CDK5RAP2: variants seen among roughly 807,000 people sequenced by gnomAD.
CDK5RAP2 encodes CDK5 regulatory subunit-associated protein 2.
Under a neutral mutation model 232.9 loss-of-function variants are expected in CDK5RAP2, and 147 were observed. That is an observed-to-expected ratio of 0.63 (90% CI 0.55 to 0.72). CDK5RAP2 has a LOEUF of 0.72. CDK5RAP2 is among the 30% of genes least tolerant of loss of function. The pLI is 0.00. For missense variants in CDK5RAP2, 2,195 were observed against 2,231.5 expected, an observed-to-expected ratio of 0.98 and a Z score of 0.33; for synonymous variants, 833 against 833.7, an observed-to-expected ratio of 1.00 and a Z score of 0.01.
At chr9:120,534,179 TC>T (rs749386436) in intron 7 of CDK5RAP2, among the ~76,000 whole-genome samples, 3 of 152,192 alleles carry the variant, frequency 2.0e-5, no homozygotes, top group South Asian at 2.1e-4. Flanking sequence ...CCATGTCACC[TC>T]CCCAGCTTCC....
At chr9:120,518,111 C>T (rs752144773) in intron 12 of CDK5RAP2, among the ~76,000 whole-genome samples, 1 of 146,302 alleles carries the variant, frequency 6.8e-6, no homozygotes, top group Non-Finnish European at 1.5e-5. Flanking sequence ...AGAGAGAGAA[C>T]ATTAAACTTA....
chr9:120,507,589 C>T (rs2039871984), intron 12 of CDK5RAP2, among the ~76,000 whole-genome samples: 2 of 151,918 alleles, frequency 1.3e-5, no homozygotes, highest in Admixed American at 1.3e-4. Context: ...TTAGGGAAGA[C>T]CACAGAAAAT....
chr9:120,509,235 T>C (rs2039968078), intron 12 of CDK5RAP2, among the ~76,000 whole-genome samples: 1 of 152,208 alleles, frequency 6.6e-6, no homozygotes, highest in African/African-American at 2.4e-5. Context: ...CTTTGGTGAC[T>C]TGGCTGGTAA....
At chr9:120,429,193 T>C (rs1244362252) in intron 25 of CDK5RAP2, among the ~76,000 whole-genome samples, 2 of 150,224 alleles carry the variant, frequency 1.3e-5, no homozygotes, top group Non-Finnish European at 3.0e-5. Context: ...CTTTGAAAAC[T>C]GGCACAAGAC....
intron 14 of CDK5RAP2, among the ~76,000 whole-genome samples, chr9:120,485,434 A>G (rs1396004493): frequency 1.3e-5 from 2 of 151,808 alleles, no homozygotes; most frequent in Non-Finnish European, 2.9e-5. Flanking sequence ...AGCTGGGATT[A>G]CAGGCATGTG....
In CDK5RAP2 at chr9:120,487,334, G is replaced by C; in HGVS notation, c.1586C>G (p.Ser529Cys). 1 of 1,614,068 alleles carries C rather than the reference G, an allele frequency of 6.2e-7. No individual in the cohort carries two copies. Among genetic ancestry groups the C allele is most frequent in the Non-Finnish European group, 8.5e-7 (1 of 1,179,998 alleles). Residue 529 changes from serine to cysteine, a missense_variant, in exon 14 of 38, where the codon TCT becomes TGT. Ser to Cys is a moderately radical substitution (Grantham distance 112, BLOSUM62 -1). Transcript: ENST00000349780. ...TTTGCTGCCTGGTGGCTGTTGAGAA[G>C]AGCACTTTTCTGTTATTAAGCCTTC... ...RSEGLITEKC[S>C]SQQPPGSKTI...
intron 1 of CDK5RAP2, among the ~76,000 whole-genome samples, chr9:120,577,955 A>C (rs1271290137): frequency 6.6e-6 from 1 of 152,230 alleles, no homozygotes; most frequent in African/African-American, 2.4e-5. Flanking sequence ...GCAGACTGTG[A>C]AGAGCAGATT....
chr9:120,412,656 T>A (rs1331605321), intron 28 of CDK5RAP2, among the ~76,000 whole-genome samples: 1 of 152,216 alleles, frequency 6.6e-6, no homozygotes, highest in Non-Finnish European at 1.5e-5. Flanking sequence ...TCTTGTTACA[T>A]GAGAAAACAC....
At position 120,392,503 on chromosome 9, in the gene CDK5RAP2, T is replaced by A. The variant is rs1002443374; in HGVS notation, c.5578+2009A>T. 1.6e-4 allele frequency among the ~76,000 whole-genome samples: 24 copies of A among 152,324 alleles called. 1 individual carries two copies. Among genetic ancestry groups the A allele is most frequent in the African/African-American group, 5.5e-4 (23 of 41,574 alleles). ...CTTCTGCAATTTTCTCACCTGTCAATAGGGTTAGCTACCTGCCCTGTGACT... is the reference window on the plus strand; with the variant it reads ...CTTCTGCAATTTTCTCACCTGTCAAAAGGGTTAGCTACCTGCCCTGTGACT... On this transcript the variant is annotated intron_variant, in intron 36 of 37. Coordinates refer to ENST00000349780, the MANE Select transcript of CDK5RAP2 (RefSeq NM_018249.6).
chr9:120,535,619 G>T (rs902235140), intron 7 of CDK5RAP2, among the ~76,000 whole-genome samples: 13 of 152,220 alleles, frequency 8.5e-5, no homozygotes, highest in Non-Finnish European at 1.6e-4. Context: ...TTTAGTGACT[G>T]CCAAATAAGG....
At position 120,530,072 on chromosome 9, in the gene CDK5RAP2, T is replaced by G; in HGVS notation, c.731A>C (p.Lys244Thr). The G allele has an allele frequency of 6.2e-7, 1 of 1,613,966 alleles. No individual in the cohort carries two copies. The highest frequency in any genetic ancestry group is 1.1e-5 in the South Asian group (1 of 91,084). ...EALIQCLKEE[K>T]SQMACPDENV... Reference sequence around the variant, plus strand: ...CTCATCAGGACATGCCATCTGAGATTTCTCCTCTTTAAGGCACTGAATTAA... The same window carrying G: ...CTCATCAGGACATGCCATCTGAGATGTCTCCTCTTTAAGGCACTGAATTAA... The change falls in exon 8 of 38, where the codon AAA becomes ACA. Residue 244 changes from lysine to threonine, a missense_variant. Transcript: ENST00000349780.
chr9:120,518,795 G>A, intron 11 of CDK5RAP2, 150 bp from the exon 12 acceptor site: 1 of 654,996 alleles, frequency 1.5e-6, no homozygotes, highest in Non-Finnish European at 2.7e-6. Context: ...AAAAATAATA[G>A]GAAGATTTTG....
intron 12 of CDK5RAP2, among the ~76,000 whole-genome samples, chr9:120,496,531 C>T (rs1244876304): frequency 2.0e-4 from 29 of 146,752 alleles, no homozygotes; most frequent in African/African-American, 7.3e-4. Context: ...GCCCCCCGCC[C>T]GGCCAGCCGC....
chr9:120,464,872 T>G (rs558694277), intron 18 of CDK5RAP2, among the ~76,000 whole-genome samples: 1 of 152,214 alleles, frequency 6.6e-6, no homozygotes, highest in East Asian at 1.9e-4. Context: ...TGAAGTCAAA[T>G]TGTTAGAAAG....
chr9:120,434,803 C>T (rs769424583), intron 25 of CDK5RAP2, among the ~76,000 whole-genome samples: 7 of 152,148 alleles, frequency 4.6e-5, no homozygotes, highest in Non-Finnish European at 8.8e-5. Context: ...AAAACTGATC[C>T]TTGGATTTGG....
In CDK5RAP2 at chr9:120,399,123, G is replaced by A. The variant is rs190483699; in HGVS notation, c.5451+1619C>T. Among the ~76,000 whole-genome samples, 10 of 152,334 alleles carry A rather than the reference G, an allele frequency of 6.6e-5. No individual in the cohort carries two copies. In the East Asian group the frequency reaches 1.9e-3, roughly 29 times the overall value. ...TCAATTACTCAAGAAACCTTTGGAA[G>A]GAAAGGGGTACTCAGGAGCACCAAC... On this transcript the variant is annotated intron_variant, in intron 35 of 37. Coordinates refer to ENST00000349780, the MANE Select transcript of CDK5RAP2 (RefSeq NM_018249.6).
intron 2 of CDK5RAP2, among the ~76,000 whole-genome samples, chr9:120,569,855 G>A (rs1295247453): frequency 1.3e-5 from 2 of 152,144 alleles, no homozygotes; most frequent in Admixed American, 6.5e-5. Flanking sequence ...AATCTAGGCC[G>A]CAGATCATGG....
At chr9:120,574,821 CTT>C (rs35178148) in intron 1 of CDK5RAP2, among the ~76,000 whole-genome samples, 1,978 of 128,506 alleles carry the variant, frequency 0.015, 35 homozygotes, top group African/African-American at 0.039. Context: ...TTAATGTTGC[CTT>C]TTTTTTTTTT....
chr9:120,413,809 A>AGGAGGGAGGAGGGAGGAGGGAGGAG (rs2034009366), intron 28 of CDK5RAP2, among the ~76,000 whole-genome samples: 2 of 109,146 alleles, frequency 1.8e-5, no homozygotes, highest in Admixed American at 9.3e-5. Flanking sequence ...GCAGTGAGCG[A>AGGAGGGAGGAGGGAGGAGGGAGGAG]GGAGGGAGGA....
Sources: gnomAD v4.1 joint callset for allele counts (sites outside exome capture counted in the v4.1 genomes callset) on GRCh38, gnomAD v4.1.1 for gene constraint, MANE v1.5 for transcripts, NCBI Gene and HGNC (gene_info 2026-07-23, HGNC 2026-07-21) for gene names.